Variants in CAMKMT observed in about 807,000 individuals in gnomAD.
The protein encoded by CAMKMT is calmodulin-lysine N-methyltransferase.
CAMKMT carries 53 observed loss-of-function variants against 48.0 expected under a neutral mutation model. That is an observed-to-expected ratio of 1.10 (90% CI 0.89 to 1.39). The LOEUF (loss-of-function observed/expected upper bound fraction) is 1.39, where lower values mean the gene tolerates loss of function less well. CAMKMT is among the 40% of genes most tolerant of loss of function. The pLI is 0.00. For missense variants in CAMKMT, 428 were observed against 402.7 expected, an observed-to-expected ratio of 1.06 and a Z score of -0.54; for synonymous variants, 165 against 152.3, an observed-to-expected ratio of 1.08 and a Z score of -0.61.
At chr2:44,646,307 T>A (rs1673726916) in intron 3 of CAMKMT, among the ~76,000 whole-genome samples, 1 of 151,830 alleles carries the variant, frequency 6.6e-6, no homozygotes, top group Non-Finnish European at 1.5e-5. Flanking sequence ...GAAATCTTGT[T>A]TGTTTTTGTT....
chr2:44,470,177 A>T (rs923750500), intron 3 of CAMKMT, among the ~76,000 whole-genome samples: 13 of 152,150 alleles, frequency 8.5e-5, no homozygotes, highest in Non-Finnish European at 1.9e-4. Context: ...GGTTGTGTCA[A>T]TATAGCTTTT....
intron 8 of CAMKMT, among the ~76,000 whole-genome samples, chr2:44,749,445 G>T (rs1216983111): frequency 6.6e-6 from 1 of 152,186 alleles, no homozygotes; most frequent in Non-Finnish European, 1.5e-5. Flanking sequence ...GTAACTGCCA[G>T]TCTGTGTGTA....
intron 7 of CAMKMT, among the ~76,000 whole-genome samples, chr2:44,729,698 A>G (rs944005492): frequency 4.6e-4 from 70 of 152,290 alleles, no homozygotes; most frequent in Non-Finnish European, 8.8e-4. Context: ...AGAGTTGAGC[A>G]TGTGATCAGG....
chr2:44,523,480 A>T (rs904208499), intron 3 of CAMKMT, among the ~76,000 whole-genome samples: 2 of 151,724 alleles, frequency 1.3e-5, no homozygotes, highest in Non-Finnish European at 2.9e-5. Flanking sequence ...TTTTTTGTAG[A>T]GAAAGAGTTT....
intron 3 of CAMKMT, among the ~76,000 whole-genome samples, chr2:44,579,399 AC>A (rs1669415254): frequency 6.6e-6 from 1 of 152,230 alleles, no homozygotes; most frequent in Admixed American, 6.5e-5. Context: ...CAATTTCAGC[AC>A]CAAACGCTTA....
At chr2:44,482,838 G>A (rs1220194869) in intron 3 of CAMKMT, among the ~76,000 whole-genome samples, 4 of 152,092 alleles carry the variant, frequency 2.6e-5, no homozygotes, top group South Asian at 4.1e-4. Flanking sequence ...CAGCATATGC[G>A]TGAAATTATT....
intron 7 of CAMKMT, among the ~76,000 whole-genome samples, chr2:44,734,207 C>T (rs1197363226): frequency 6.6e-6 from 1 of 151,820 alleles, no homozygotes; most frequent in African/African-American, 2.4e-5. Flanking sequence ...CTATTAATTT[C>T]CTCTAAGTAC....
chr2:44,497,389 T>C (rs1174539911), intron 3 of CAMKMT, among the ~76,000 whole-genome samples: 1 of 152,136 alleles, frequency 6.6e-6, no homozygotes, highest in East Asian at 1.9e-4. Context: ...TAAAAATGAA[T>C]GTGTACATTT....
intron 3 of CAMKMT, among the ~76,000 whole-genome samples, chr2:44,698,719 A>G (rs1275910634): frequency 6.6e-6 from 1 of 152,184 alleles, no homozygotes; most frequent in African/African-American, 2.4e-5. Context: ...CAATTTCTTA[A>G]AATAAGACAA....
intron 3 of CAMKMT, among the ~76,000 whole-genome samples, chr2:44,573,391 TG>T (rs1469279732): frequency 1.3e-5 from 2 of 151,322 alleles, no homozygotes; most frequent in Non-Finnish European, 2.9e-5. Flanking sequence ...TTTTTCACTC[TG>T]TTTTTTTTTA....
chr2:44,537,843 G>A (rs571121390), intron 3 of CAMKMT, among the ~76,000 whole-genome samples: 2 of 152,184 alleles, frequency 1.3e-5, no homozygotes, highest in Non-Finnish European at 1.5e-5. Flanking sequence ...GATCACAGGC[G>A]TGAACCACTG....
intron 9 of CAMKMT, among the ~76,000 whole-genome samples, chr2:44,755,753 C>T (rs185259006): frequency 1.3e-5 from 2 of 152,328 alleles, no homozygotes; most frequent in South Asian, 2.1e-4. Flanking sequence ...CCATCTGAAT[C>T]GTGGCCACAC....
At chr2:44,757,045 C>T (rs1680413625) in intron 9 of CAMKMT, among the ~76,000 whole-genome samples, 1 of 152,202 alleles carries the variant, frequency 6.6e-6, no homozygotes, top group Non-Finnish European at 1.5e-5. Flanking sequence ...AAGGCTAGTG[C>T]CCACCTTGTG....
chr2:44,636,461 T>G (rs189195888), intron 3 of CAMKMT, among the ~76,000 whole-genome samples: 45 of 152,318 alleles, frequency 3.0e-4, no homozygotes, highest in Non-Finnish European at 1.0e-4. Context: ...CAGGTCTCTG[T>G]GCAAACACTA....
At chr2:44,729,046 A>C (rs1471119287) in intron 7 of CAMKMT, among the ~76,000 whole-genome samples, 1 of 151,648 alleles carries the variant, frequency 6.6e-6, no homozygotes, top group East Asian at 1.9e-4. Flanking sequence ...CCATTTCAGT[A>C]GTACCGGAGA....
intron 3 of CAMKMT, among the ~76,000 whole-genome samples, chr2:44,508,787 A>G (rs1237393251): frequency 6.6e-6 from 1 of 152,000 alleles, no homozygotes; most frequent in Non-Finnish European, 1.5e-5. Context: ...ATATGATGTA[A>G]CTTGTATGTC....
chr2:44,629,486 A>G (rs1672687578), intron 3 of CAMKMT, among the ~76,000 whole-genome samples: 1 of 127,864 alleles, frequency 7.8e-6, no homozygotes, highest in Non-Finnish European at 1.6e-5. Context: ...CCCAGATTGT[A>G]GTGCAGTGGC....
chr2:44,549,843 GA>G, intron 3 of CAMKMT: 1 of 390,770 alleles, frequency 2.6e-6, no homozygotes, highest in Non-Finnish European at 4.5e-6. Flanking sequence ...TTTTGTCCCA[GA>G]CCCAGCTTCA....
chr2:44,406,902 C>G (rs1420908126), intron 3 of CAMKMT, among the ~76,000 whole-genome samples: 3 of 152,202 alleles, frequency 2.0e-5, no homozygotes, highest in Admixed American at 2.0e-4. Flanking sequence ...GCCATTGCGC[C>G]CAGCCAAATT....
Sources: gnomAD v4.1 joint callset for allele counts (sites outside exome capture counted in the v4.1 genomes callset) on GRCh38, gnomAD v4.1.1 for gene constraint, MANE v1.5 for transcripts, NCBI Gene and HGNC (gene_info 2026-07-23, HGNC 2026-07-21) for gene names.